SLC4A7: variants seen among roughly 807,000 people sequenced by gnomAD.
The protein encoded by SLC4A7 is sodium bicarbonate cotransporter 3.
SLC4A7 carries 51 observed loss-of-function variants against 137.6 expected under a neutral mutation model. The ratio of observed to expected loss-of-function variants is 0.37; its 90% CI spans 0.30 to 0.47. The LOEUF (loss-of-function observed/expected upper bound fraction) is 0.47, where lower values mean the gene tolerates loss of function less well. Ranked by LOEUF, SLC4A7 falls within the 20% of genes least tolerant of loss-of-function variation. The pLI, the probability that SLC4A7 is intolerant of heterozygous loss-of-function variation, is 1.00. For synonymous variants in SLC4A7, 542 were observed against 518.6 expected (o/e 1.05, Z -0.61); for missense variants, 1,247 against 1,525.4 (o/e 0.82, Z 3.04).
At chr3:27,480,197 A>G (rs531103914) in intron 1 of SLC4A7, among the ~76,000 whole-genome samples, 4 of 152,344 alleles carry the variant, frequency 2.6e-5, no homozygotes, top group South Asian at 2.1e-4. Context: ...ATTACCAGGC[A>G]AAACAATTCA....
In SLC4A7 at chr3:27,431,612, A is replaced by T. The variant is rs1311774079; in HGVS notation, c.836T>A (p.Leu279His). 6.2e-7 allele frequency: 1 copy of T among 1,613,650 alleles called. No homozygotes were observed. The highest frequency in any genetic ancestry group is 1.1e-5 in the South Asian group (1 of 90,954). ...TAAAGGTGATTCTCCTCTCAAGGAAAGGTTTGAGGCAGACAGACCTGTTCG... is the reference window on the plus strand; with the variant it reads ...TAAAGGTGATTCTCCTCTCAAGGAATGGTTTGAGGCAGACAGACCTGTTCG... ...SLRTGLSASN[L>H]SLRGESPLSL... Residue 279 changes from leucine to histidine, a missense_variant, in exon 7 of 26, where the codon CTT becomes CAT. Around this residue, in one of 6 missense-constraint regions of SLC4A7, gnomAD observed 223 missense variants for 203.6 expected, o/e 1.10. Coordinates refer to ENST00000454389, the MANE Select transcript of SLC4A7 (RefSeq NM_001321103.2).
At chr3:27,463,202 C>T (rs1052040765) in intron 1 of SLC4A7, among the ~76,000 whole-genome samples, 1 of 152,166 alleles carries the variant, frequency 6.6e-6, no homozygotes, top group Non-Finnish European at 1.5e-5. Context: ...TCAAGGAGGG[C>T]GGATGACGAG....
chr3:27,401,920 T>C (rs1017227468), intron 15 of SLC4A7, among the ~76,000 whole-genome samples: 2 of 152,182 alleles, frequency 1.3e-5, no homozygotes, highest in Non-Finnish European at 2.9e-5. Flanking sequence ...AGATAGTATA[T>C]AACAGATTCG....
Position 27,403,150 on chromosome 3 carries a change from C to G in SLC4A7, c.2310G>C (p.Leu770=). The part of the protein sequence containing the change: ...AFNMHNNLDK[L]TSYSCVCTEP... Reference sequence around the variant, plus strand: ...AGAGAAATACTTACGAGTAGCTGGTCAGTTTATCTAAGTTGTTGTGCATAT... The same window carrying G: ...AGAGAAATACTTACGAGTAGCTGGTGAGTTTATCTAAGTTGTTGTGCATAT... The change falls in exon 15 of 26, where the codon CTG becomes CTC. Residue 770 remains leucine, a synonymous_variant. Coordinates refer to ENST00000454389, the MANE Select transcript of SLC4A7 (RefSeq NM_001321103.2). The G allele has an allele frequency of 2.5e-6, 4 of 1,604,602 alleles. No homozygotes were observed. The highest frequency in any genetic ancestry group is 3.4e-6 in the Non-Finnish European group (4 of 1,177,072).
intron 3 of SLC4A7, among the ~76,000 whole-genome samples, chr3:27,440,990 A>G (rs765308535): frequency 2.0e-5 from 3 of 152,198 alleles, no homozygotes; most frequent in Non-Finnish European, 4.4e-5. Flanking sequence ...GGTTGCAGTG[A>G]GCCAAGATCG....
chr3:27,429,321 G>C (rs1211440901), intron 7 of SLC4A7, among the ~76,000 whole-genome samples: 2 of 149,804 alleles, frequency 1.3e-5, no homozygotes, highest in Non-Finnish European at 3.0e-5. Flanking sequence ...ATAATTTTTT[G>C]CTAATTTTGC....
chr3:27,411,448 A>T (rs1559695802), intron 12 of SLC4A7, among the ~76,000 whole-genome samples, 194 bp downstream of exon 12: 1 of 151,624 alleles, frequency 6.6e-6, no homozygotes, highest in Non-Finnish European at 1.5e-5. Flanking sequence ...AGCTTGATAC[A>T]TACTATTAAA....
At chr3:27,435,792 G>C (rs2056689735) in intron 5 of SLC4A7, among the ~76,000 whole-genome samples, 1 of 152,106 alleles carries the variant, frequency 6.6e-6, no homozygotes, top group Non-Finnish European at 1.5e-5. Flanking sequence ...AGTAAGCCAA[G>C]ATCGTGCCAC....
intron 20 of SLC4A7, among the ~76,000 whole-genome samples, chr3:27,392,869 T>C (rs2051719653): frequency 6.6e-6 from 1 of 151,736 alleles, no homozygotes; most frequent in Admixed American, 6.6e-5. Flanking sequence ...GAAATAAGAA[T>C]GGGAAAAGCT....
intron 1 of SLC4A7, among the ~76,000 whole-genome samples, chr3:27,466,687 T>A (rs941187973): frequency 5.3e-5 from 8 of 151,562 alleles, no homozygotes; most frequent in Non-Finnish European, 1.2e-4. Flanking sequence ...AAATTAGCCA[T>A]CTCTATAAAA....
At chr3:27,470,977 C>G (rs1326918630) in intron 1 of SLC4A7, among the ~76,000 whole-genome samples, 2 of 152,124 alleles carry the variant, frequency 1.3e-5, no homozygotes, top group East Asian at 1.9e-4. Context: ...AACAAAACAG[C>G]AAACCCTGGA....
At chr3:27,426,724 T>C (rs1167608339) in intron 7 of SLC4A7, among the ~76,000 whole-genome samples, 1 of 152,188 alleles carries the variant, frequency 6.6e-6, no homozygotes, top group Non-Finnish European at 1.5e-5. Flanking sequence ...CTTGAAAACC[T>C]GTCCCTTTTT....
At chr3:27,446,242 ATAAT>A (rs1373164631) in intron 3 of SLC4A7, among the ~76,000 whole-genome samples, 2 of 151,884 alleles carry the variant, frequency 1.3e-5, no homozygotes, top group Admixed American at 6.6e-5. Flanking sequence ...CCAAATAGGA[ATAAT>A]TATTAAAATA....
At chr3:27,469,774 CAAT>C (rs1576649462) in intron 1 of SLC4A7, among the ~76,000 whole-genome samples, 2 of 152,082 alleles carry the variant, frequency 1.3e-5, no homozygotes, top group African/African-American at 2.4e-5. Flanking sequence ...AATAAAATAA[CAAT>C]AATAATAATT....
chr3:27,477,664 G>A (rs2059519741), intron 1 of SLC4A7, among the ~76,000 whole-genome samples: 1 of 152,098 alleles, frequency 6.6e-6, no homozygotes, highest in Non-Finnish European at 1.5e-5. Context: ...GAATGCAGTG[G>A]CGCGATCTTG....
intron 5 of SLC4A7, among the ~76,000 whole-genome samples, chr3:27,434,693 G>C (rs917791194): frequency 6.6e-6 from 1 of 151,858 alleles, no homozygotes; most frequent in Non-Finnish European, 1.5e-5. Flanking sequence ...GTGGGGAATG[G>C]GGAAACTGAT....
At chr3:27,379,710 CA>C (rs11439531) in intron 24 of SLC4A7, among the ~76,000 whole-genome samples, 1 of 150,222 alleles carries the variant, frequency 6.7e-6, no homozygotes, top group Admixed American at 6.6e-5. Context: ...CTTATACATA[CA>C]AAAAAAAATA....
At chr3:27,397,515 C>G (rs1305859459) in intron 18 of SLC4A7, among the ~76,000 whole-genome samples, 169 bp downstream of exon 18, 1 of 151,950 alleles carries the variant, frequency 6.6e-6, no homozygotes, top group Non-Finnish European at 1.5e-5. Flanking sequence ...TCCATATTGT[C>G]ATTGTTTATA....
intron 1 of SLC4A7, among the ~76,000 whole-genome samples, chr3:27,452,910 C>A (rs2058170614): frequency 6.6e-6 from 1 of 152,166 alleles, no homozygotes; most frequent in Non-Finnish European, 1.5e-5. Context: ...AACAGCTATA[C>A]TGGACTGAAT....
Sources: gnomAD v4.1 joint callset for allele counts (sites outside exome capture counted in the v4.1 genomes callset) on GRCh38, gnomAD v4.1.1 for gene constraint, gnomAD v4.1.1 regional missense constraint, MANE v1.5 for transcripts, NCBI Gene and HGNC (gene_info 2026-07-23, HGNC 2026-07-21) for gene names.